The following SYT16 variants were observed in gnomAD, a reference collection of about 807,000 sequenced individuals.
SYT16 encodes synaptotagmin-16.
In SYT16, 42 loss-of-function variants were observed where a neutral mutation model predicts 61.4. That is an observed-to-expected ratio of 0.68 (90% CI 0.53 to 0.89). SYT16 has a LOEUF of 0.89. SYT16 is among the 40% of genes least tolerant of loss of function. The pLI is 0.00. For synonymous variants in SYT16, 314 were observed against 302.3 expected (o/e 1.04, Z -0.40); for missense variants, 804 against 807.3 (o/e 1.00, Z 0.05).
chr14:61,843,713 A>G (rs1220819597), intron 1 of SYT16, among the ~76,000 whole-genome samples: 5 of 152,094 alleles, frequency 3.3e-5, no homozygotes, highest in African/African-American at 1.2e-4. Context: ...TGAGTTCACA[A>G]TAAGTGTGTG....
chr14:62,007,091 T>A (rs1268212632), intron 3 of SYT16, among the ~76,000 whole-genome samples: 2 of 152,202 alleles, frequency 1.3e-5, no homozygotes, highest in Admixed American at 6.5e-5. Flanking sequence ...CCTTTGCAGA[T>A]TGAAGGTATT....
intron 1 of SYT16, among the ~76,000 whole-genome samples, chr14:61,873,865 A>G (rs2047405887): frequency 6.6e-6 from 1 of 152,218 alleles, no homozygotes; most frequent in Non-Finnish European, 1.5e-5. Context: ...TTCTAGAGGT[A>G]TTAAAACGGG....
In SYT16 at chr14:62,106,315, C is replaced by T. The variant is rs1250669950; in HGVS notation, c.*5608C>T. On this transcript the variant is annotated 3_prime_UTR_variant, in exon 8 of 8. Transcript: ENST00000683842. ...CCATAAACAGTAGAGTTCCTTGTTA[C>T]TAGTATTGGAAGGTGAAACATTGGC... The T allele has an allele frequency of 1.3e-5, 2 of 152,050 alleles. No homozygotes were observed. The highest frequency in any genetic ancestry group is 4.8e-5 in the African/African-American group (2 of 41,366). 9.4% of individuals were successfully genotyped at this position (152,050 alleles called of 1,614,324 possible). A position where few individuals can be genotyped will look rare whatever the true frequency, so the allele number is the denominator to read the frequency against.
intron 1 of SYT16, among the ~76,000 whole-genome samples, chr14:61,918,926 A>G (rs1453474820): frequency 6.6e-6 from 1 of 152,188 alleles, no homozygotes; most frequent in African/African-American, 2.4e-5. Context: ...ATCAGGAGCT[A>G]GAAAAACATT....
At chr14:61,883,570 C>T (rs1198243283) in intron 1 of SYT16, among the ~76,000 whole-genome samples, 1 of 152,206 alleles carries the variant, frequency 6.6e-6, no homozygotes, top group Non-Finnish European at 1.5e-5. Flanking sequence ...TTCAACAAGT[C>T]TCTAGGAAGT....
intron 1 of SYT16, among the ~76,000 whole-genome samples, chr14:61,845,173 A>G (rs56159635): frequency 0.091 from 13,585 of 149,488 alleles, 639 homozygotes; most frequent in Non-Finnish European, 0.1. Flanking sequence ...TCAGGCTCCC[A>G]AGTAGCTGGG....
intron 1 of SYT16, among the ~76,000 whole-genome samples, chr14:61,835,065 C>G (rs1344465979): frequency 6.6e-6 from 1 of 152,024 alleles, no homozygotes; most frequent in Non-Finnish European, 1.5e-5. Flanking sequence ...GAAATTGTTG[C>G]ATTGTTTGCT....
intron 3 of SYT16, among the ~76,000 whole-genome samples, chr14:62,036,809 G>T (rs2054527641): frequency 6.6e-6 from 1 of 152,114 alleles, no homozygotes; most frequent in African/African-American, 2.4e-5. Context: ...GACACATGGG[G>T]ATTATGGGAG....
chr14:61,884,907 C>T (rs537788140), intron 1 of SYT16, among the ~76,000 whole-genome samples: 1 of 152,244 alleles, frequency 6.6e-6, no homozygotes, highest in East Asian at 1.9e-4. Flanking sequence ...AGATTTCTCT[C>T]TTTTGGGACC....
intron 1 of SYT16, among the ~76,000 whole-genome samples, chr14:61,953,435 T>C (rs2050749760): frequency 6.6e-6 from 1 of 152,154 alleles, no homozygotes. Context: ...CAAGTAGTTC[T>C]AGAGGTCTCC....
chr14:62,105,336 T>G lies in SYT16; in HGVS notation c.*4629T>G, dbSNP rs1449447360. 6.6e-6 allele frequency: 1 copy of G among 152,208 alleles called. No individual in the cohort carries two copies. Among genetic ancestry groups the G allele is most frequent in the Non-Finnish European group, 1.5e-5 (1 of 68,048 alleles). The allele number at this position is 152,208 out of a possible 1,614,324, so 9.4% of individuals were successfully genotyped here. A position where few individuals can be genotyped will look rare whatever the true frequency, so the allele number is the denominator to read the frequency against. ...TGACAATGGCAGTTTGACTACATAT[T>G]TCAACTGTGATCCAAAAAAGTAAAA... is the stretch of plus-strand genomic sequence containing the variant. On this transcript the variant is annotated 3_prime_UTR_variant, in exon 8 of 8. Coordinates refer to ENST00000683842, the MANE Select transcript of SYT16 (RefSeq NM_001367656.1).
chr14:61,989,147 A>AT (rs753485109), intron 2 of SYT16, among the ~76,000 whole-genome samples: 20 of 151,962 alleles, frequency 1.3e-4, no homozygotes, highest in South Asian at 2.1e-4. Flanking sequence ...TGATAGTACC[A>AT]TTTTTTCCGT....
intron 3 of SYT16, among the ~76,000 whole-genome samples, chr14:62,058,097 G>T (rs1205822054): frequency 1.3e-5 from 2 of 152,154 alleles, no homozygotes; most frequent in Non-Finnish European, 2.9e-5. Context: ...TGTTGTTGCA[G>T]GTATAAATAG....
chr14:62,084,688 G>A (rs577904259), intron 7 of SYT16, among the ~76,000 whole-genome samples: 13 of 152,226 alleles, frequency 8.5e-5, no homozygotes, highest in Middle Eastern at 3.4e-3. Context: ...CTGCTAATAC[G>A]TCCTAGGCCC....
chr14:61,840,502 T>TG (rs1179806010), intron 1 of SYT16, among the ~76,000 whole-genome samples: 1 of 152,174 alleles, frequency 6.6e-6, no homozygotes, highest in Non-Finnish European at 1.5e-5. Context: ...TAGCCAGAGT[T>TG]GGGAGCAAAA....
At chr14:61,832,387 A>C (rs2045966910) in intron 1 of SYT16, 3 of 541,826 alleles carry the variant, frequency 5.5e-6, no homozygotes, top group Middle Eastern at 3.1e-4. Context: ...CAGCTGCCCC[A>C]CCACCGCCGC....
chr14:62,002,396 C>A lies in SYT16; in HGVS notation c.523+5854C>A, dbSNP rs976274208. ...TCAATATTGGCTCCATCTTTAACAT[C>A]GTCTCCTCTTTTTGCCTATGCATCA... On this transcript the variant is annotated intron_variant, in intron 3 of 7. Transcript: ENST00000683842. Among the ~76,000 whole-genome samples, 7 of 152,218 alleles carry A rather than the reference C, an allele frequency of 4.6e-5. No individual in the cohort carries two copies. The South Asian group carries it at 1.4e-3, about 32-fold the overall frequency.
intron 1 of SYT16, among the ~76,000 whole-genome samples, chr14:61,961,377 A>G (rs1383676650): frequency 6.6e-6 from 1 of 152,140 alleles, no homozygotes; most frequent in Non-Finnish European, 1.5e-5. Context: ...CCATCCAACA[A>G]AGGTCTAATA....
At chr14:61,914,553 T>A (rs2049048169) in intron 1 of SYT16, among the ~76,000 whole-genome samples, 2 of 152,206 alleles carry the variant, frequency 1.3e-5, no homozygotes, top group African/African-American at 4.8e-5. Context: ...CCCTACCACC[T>A]GTTCCTCCTC....
Sources: allele counts gnomAD v4.1 joint callset (sites outside exome capture counted in the v4.1 genomes callset), GRCh38; gene constraint gnomAD v4.1.1; transcripts MANE v1.5; gene names NCBI Gene and HGNC (gene_info 2026-07-23, HGNC 2026-07-21).